Variants in EPM2A observed in about 807,000 individuals in gnomAD.
The protein encoded by EPM2A is laforin.
In EPM2A, 21 loss-of-function variants were observed where a neutral mutation model predicts 26.5. The observed-to-expected ratio is 0.79, with a 90% CI of 0.56 to 1.14. The LOEUF (loss-of-function observed/expected upper bound fraction) is 1.14. Ranked by LOEUF, EPM2A falls within the 50% of genes most tolerant of loss-of-function variation. EPM2A has a pLI of 0.00. For missense variants in EPM2A, 458 were observed against 440.8 expected, an observed-to-expected ratio of 1.04 and a Z score of -0.35; for synonymous variants, 217 against 177.6, an observed-to-expected ratio of 1.22 and a Z score of -1.76.
In EPM2A at chr6:145,490,116, T is replaced by C. The variant is rs1004881763; in HGVS notation, c.555+12406A>G. ...TTCCCAATTTGTTATATAATAGTCA[T>C]TGATATGTCACAGGTTCAGTTTGCA... On this transcript the variant is annotated intron_variant, in intron 4 of 4. Coordinates refer to the EPM2A transcript ENST00000638717. 13 of 1,184,890 alleles carry C rather than the reference T, an allele frequency of 1.1e-5. No individual in the cohort carries two copies. In the African/African-American group the frequency reaches 1.2e-4, roughly 11 times the overall value. 73.4% of individuals were successfully genotyped at this position (1,184,890 alleles called of 1,614,324 possible). A position where few individuals can be genotyped will look rare whatever the true frequency, so the allele number is the denominator to read the frequency against.
intron 2 of EPM2A, among the ~76,000 whole-genome samples, chr6:145,563,025 C>T (rs1582855892): frequency 1.3e-5 from 2 of 151,600 alleles, no homozygotes; most frequent in Admixed American, 6.6e-5. Context: ...TTTATTTACT[C>T]ACATAAAGAG....
intron 4 of EPM2A, among the ~76,000 whole-genome samples, chr6:145,484,528 A>G (rs537292908): frequency 1.6e-3 from 245 of 152,228 alleles, no homozygotes; most frequent in Non-Finnish European, 2.9e-3. Flanking sequence ...TGAAAGGTAT[A>G]GTGTTTGGAG....
intron 2 of EPM2A, among the ~76,000 whole-genome samples, chr6:145,591,434 A>G (rs1054247930): frequency 6.6e-6 from 1 of 152,110 alleles, no homozygotes; most frequent in African/African-American, 2.4e-5. Context: ...CCAAAGACAA[A>G]GAGAAATTAC....
chr6:145,724,490 G>T (rs1004386531), intron 1 of EPM2A, among the ~76,000 whole-genome samples: 5 of 152,038 alleles, frequency 3.3e-5, no homozygotes, highest in African/African-American at 1.2e-4. Context: ...AAGCTATTCT[G>T]TACAAGTCAA....
chr6:145,386,753 T>C (rs762185235), intron 4 of EPM2A, among the ~76,000 whole-genome samples: 5 of 152,080 alleles, frequency 3.3e-5, no homozygotes, highest in Non-Finnish European at 7.4e-5. Flanking sequence ...TAGAGAGAGA[T>C]GAAAAAATGA....
At chr6:145,522,407 A>C (rs1239970915) in intron 2 of EPM2A, among the ~76,000 whole-genome samples, 1 of 151,984 alleles carries the variant, frequency 6.6e-6, no homozygotes, top group Non-Finnish European at 1.5e-5. Context: ...CCCTCCATCA[A>C]CTGACCCAGA....
chr6:145,486,423 T>C (rs2114737484), intron 4 of EPM2A, among the ~76,000 whole-genome samples: 1 of 152,356 alleles, frequency 6.6e-6, no homozygotes, highest in South Asian at 2.1e-4. Flanking sequence ...CTTCTTTTCA[T>C]ATAGTTAGCT....
exon 5 of EPM2A, chr6:145,383,910 A>G (rs923703558): frequency 6.6e-6 from 1 of 152,214 alleles, no homozygotes; most frequent in Admixed American, 6.5e-5. Context: ...TTTAACATAT[A>G]GATCTGTTAA....
At chr6:145,520,816 G>A (rs1780193050) in intron 2 of EPM2A, among the ~76,000 whole-genome samples, 2 of 152,134 alleles carry the variant, frequency 1.3e-5, no homozygotes, top group South Asian at 2.1e-4. Flanking sequence ...GCTAAGGGAC[G>A]GGTAGTTAGG....
intron 4 of EPM2A, among the ~76,000 whole-genome samples, chr6:145,388,596 T>C (rs1778294511): frequency 2.0e-5 from 3 of 152,162 alleles, no homozygotes; most frequent in Admixed American, 2.0e-4. Flanking sequence ...ACATGTGCCA[T>C]GGTGGTTTGC....
At chr6:145,492,543 G>A (rs758737128) in intron 4 of EPM2A, among the ~76,000 whole-genome samples, 5 of 151,942 alleles carry the variant, frequency 3.3e-5, no homozygotes, top group Non-Finnish European at 7.4e-5. Flanking sequence ...TGTGGCACCC[G>A]AGCTCTTGTC....
intron 1 of EPM2A, among the ~76,000 whole-genome samples, chr6:145,732,542 C>T (rs927778002): frequency 6.6e-6 from 1 of 151,864 alleles, no homozygotes; most frequent in Non-Finnish European, 1.5e-5. Flanking sequence ...TCAAGTAGTG[C>T]AATTAAGCTA....
chr6:145,460,844 A>C (rs1008759649), intron 4 of EPM2A, among the ~76,000 whole-genome samples: 1 of 152,146 alleles, frequency 6.6e-6, no homozygotes, highest in African/African-American at 2.4e-5. Flanking sequence ...TCAGTTTTAT[A>C]GCTTTAATTT....
At chr6:145,689,143 A>G (rs548497377) in intron 1 of EPM2A, among the ~76,000 whole-genome samples, 1 of 152,312 alleles carries the variant, frequency 6.6e-6, no homozygotes, top group South Asian at 2.1e-4. Flanking sequence ...GATTTCTTTA[A>G]TTACTCATTT....
intron 4 of EPM2A, among the ~76,000 whole-genome samples, chr6:145,415,446 C>T (rs545188243): frequency 1.3e-4 from 20 of 152,304 alleles, no homozygotes; most frequent in Non-Finnish European, 2.5e-4. Context: ...TTTCCCTGAA[C>T]GTGCACATAG....
At chr6:145,507,517 G>C (rs1779993497) in intron 2 of EPM2A, among the ~76,000 whole-genome samples, 2 of 152,164 alleles carry the variant, frequency 1.3e-5, no homozygotes, top group African/African-American at 4.8e-5. Context: ...AACAGTTAGG[G>C]AGAGGCTGAG....
chr6:145,389,313 C>A (rs1420519532), intron 4 of EPM2A, among the ~76,000 whole-genome samples: 1 of 151,932 alleles, frequency 6.6e-6, no homozygotes, highest in African/African-American at 2.4e-5. Context: ...CCTCAGCCAC[C>A]TAAGTAGTTG....
chr6:145,643,662 C>G (rs923265083), intron 2 of EPM2A, among the ~76,000 whole-genome samples: 1 of 151,790 alleles, frequency 6.6e-6, no homozygotes, highest in African/African-American at 2.4e-5. Context: ...TATTTCAGCT[C>G]CAAAACAAAA....
chr6:145,720,125 T>C (rs112396456), intron 1 of EPM2A, among the ~76,000 whole-genome samples: 226 of 152,238 alleles, frequency 1.5e-3, no homozygotes, highest in African/African-American at 5.2e-3. Flanking sequence ...TCAACCACAA[T>C]AAAAAGACAA....
Sources: allele counts gnomAD v4.1 joint callset (sites outside exome capture counted in the v4.1 genomes callset), GRCh38; gene constraint gnomAD v4.1.1; transcripts MANE v1.5; gene names NCBI Gene and HGNC (gene_info 2026-07-23, HGNC 2026-07-21).